The following ANK3 variants were observed in gnomAD, a reference collection of about 807,000 sequenced individuals.
ANK3 encodes the protein ankyrin 3, also known as ankyrin-3.
ANK3 carries 57 observed loss-of-function variants against 370.9 expected under a neutral mutation model. The ratio of observed to expected loss-of-function variants is 0.15; its 90% CI spans 0.12 to 0.19. ANK3 has a LOEUF of 0.19. ANK3 is among the 10% of genes least tolerant of loss of function. The pLI, the probability that ANK3 is intolerant of heterozygous loss-of-function variation, is 1.00. For synonymous variants in ANK3, 1,929 were observed against 1,946.3 expected (o/e 0.99, Z 0.23); for missense variants, 4,439 against 5,302.1 (o/e 0.84, Z 5.06).
intron 1 of ANK3, among the ~76,000 whole-genome samples, chr10:60,310,905 T>G (rs962506540): frequency 2.0e-5 from 3 of 152,184 alleles, no homozygotes; most frequent in Non-Finnish European, 4.4e-5. Flanking sequence ...TCCACTACTC[T>G]GCAGAAAGGA....
At chr10:60,299,953 TG>T (rs1427396019) in intron 1 of ANK3, among the ~76,000 whole-genome samples, 1 of 152,222 alleles carries the variant, frequency 6.6e-6, no homozygotes, top group Non-Finnish European at 1.5e-5. Flanking sequence ...TTAAAGCTGT[TG>T]GATTTCTCTT....
chr10:60,597,811 C>A (rs1398873229), intron 2 of ANK3, among the ~76,000 whole-genome samples: 1 of 152,112 alleles, frequency 6.6e-6, no homozygotes, highest in African/African-American at 2.4e-5. Context: ...GGAACTGCAA[C>A]CCTTTCTTAA....
At chr10:60,563,475 G>A (rs2077386997) in intron 2 of ANK3, among the ~76,000 whole-genome samples, 2 of 152,152 alleles carry the variant, frequency 1.3e-5, no homozygotes, top group African/African-American at 4.8e-5. Context: ...AGAAAGGTAT[G>A]TATAAATATT....
At chr10:60,162,338 A>C (rs2095520060) in intron 23 of ANK3, among the ~76,000 whole-genome samples, 1 of 152,154 alleles carries the variant, frequency 6.6e-6, no homozygotes, top group African/African-American at 2.4e-5. Flanking sequence ...AAAACTACAG[A>C]GTGTCAGACC....
At chr10:60,307,930 A>G (rs2045508728) in intron 1 of ANK3, among the ~76,000 whole-genome samples, 1 of 152,248 alleles carries the variant, frequency 6.6e-6, no homozygotes, top group South Asian at 2.1e-4. Context: ...GCTTTTTAAA[A>G]AAGAAAATGT....
At position 60,028,955 on chromosome 10, in the gene ANK3, G is replaced by A. The variant is rs2072689716; in HGVS notation, c.*891C>T. ...TGTGTTTACAGATAAAATCTTTTGT[G>A]TTGCAGTATACTGTAGTGTTTGCAA... On this transcript the variant is annotated 3_prime_UTR_variant, in exon 44 of 44. Transcript: ENST00000280772. The A allele has an allele frequency of 6.6e-6, 1 of 152,368 alleles. No individual in the cohort carries two copies. The highest frequency in any genetic ancestry group is 2.1e-4 in the South Asian group (1 of 4,818). The allele number at this position is 152,368 out of a possible 1,614,324, so 9.4% of individuals were successfully genotyped here.
intron 1 of ANK3, among the ~76,000 whole-genome samples, chr10:60,729,445 A>G (rs1248235257): frequency 6.6e-6 from 1 of 152,200 alleles, no homozygotes; most frequent in African/African-American, 2.4e-5. Flanking sequence ...TAGCCTTTCC[A>G]GTTTAGCAAC....
intron 25 of ANK3, among the ~76,000 whole-genome samples, chr10:60,122,693 T>C (rs1189158859): frequency 1.3e-5 from 2 of 152,248 alleles, no homozygotes; most frequent in Non-Finnish European, 2.9e-5. Flanking sequence ...GGTGTTGGCA[T>C]GGAATTATCA....
At chr10:60,176,161 CT>C (rs1449248857) in intron 18 of ANK3, among the ~76,000 whole-genome samples, 1 of 146,030 alleles carries the variant, frequency 6.8e-6, no homozygotes, top group Non-Finnish European at 1.5e-5. Flanking sequence ...GGCAAAAACC[CT>C]GTCTCTGCTA....
At chr10:60,693,823 A>G (rs1308446400) in intron 1 of ANK3, among the ~76,000 whole-genome samples, 1 of 152,252 alleles carries the variant, frequency 6.6e-6, no homozygotes, top group East Asian at 1.9e-4. Context: ...AAAACTGGAA[A>G]CTCTAAAATG....
At chr10:60,422,536 T>C (rs893490829) in intron 2 of ANK3, among the ~76,000 whole-genome samples, 1 of 152,106 alleles carries the variant, frequency 6.6e-6, no homozygotes, top group Non-Finnish European at 1.5e-5. Flanking sequence ...TTCTTATCTT[T>C]TGGATTTCAG....
chr10:60,492,950 G>A (rs558558841), intron 2 of ANK3, among the ~76,000 whole-genome samples: 83 of 150,750 alleles, frequency 5.5e-4, no homozygotes, highest in African/African-American at 1.9e-3. Context: ...TGTAGTGGCA[G>A]GCACCTGTAG....
intron 7 of ANK3, among the ~76,000 whole-genome samples, chr10:60,239,332 A>T (rs566708833): frequency 1.4e-3 from 209 of 152,280 alleles, no homozygotes; most frequent in African/African-American, 4.7e-3. Flanking sequence ...AACTCCAACT[A>T]GACACAATAG....
chr10:60,357,183 T>A (rs1408934882), intron 1 of ANK3, among the ~76,000 whole-genome samples: 2 of 152,194 alleles, frequency 1.3e-5, no homozygotes, highest in African/African-American at 4.8e-5. Context: ...GCCTCTTACA[T>A]CCTTGACCTC....
chr10:60,715,188 T>C (rs1042193525), intron 1 of ANK3, among the ~76,000 whole-genome samples: 6 of 148,592 alleles, frequency 4.0e-5, no homozygotes, highest in African/African-American at 1.5e-4. Flanking sequence ...TTGGTACAAA[T>C]TCTATTATAT....
At chr10:60,442,807 T>C (rs1355797909) in intron 2 of ANK3, among the ~76,000 whole-genome samples, 4 of 152,244 alleles carry the variant, frequency 2.6e-5, no homozygotes, top group African/African-American at 9.6e-5. Flanking sequence ...ACAAACTCTA[T>C]GCAGCAGTTG....
intron 36 of ANK3, among the ~76,000 whole-genome samples, chr10:60,077,677 A>AT (rs1255203240): frequency 6.6e-6 from 1 of 152,172 alleles, no homozygotes. Context: ...TCTACATTTA[A>AT]TTTTCAAAAG....
At chr10:60,129,710 G>A (rs2093961358) in intron 25 of ANK3, among the ~76,000 whole-genome samples, 2 of 151,696 alleles carry the variant, frequency 1.3e-5, no homozygotes, top group Admixed American at 6.6e-5. Context: ...CTGAGATCAC[G>A]ACACTGCACT....
At chr10:60,425,031 C>T (rs2063852876) in intron 2 of ANK3, among the ~76,000 whole-genome samples, 1 of 151,862 alleles carries the variant, frequency 6.6e-6, no homozygotes, top group African/African-American at 2.4e-5. Context: ...AAGGAAGCAG[C>T]AAAGATATGA....
Sources: gnomAD v4.1 joint callset for allele counts (sites outside exome capture counted in the v4.1 genomes callset) on GRCh38, gnomAD v4.1.1 for gene constraint, MANE v1.5 for transcripts, NCBI Gene and HGNC (gene_info 2026-07-23, HGNC 2026-07-21) for gene names.